Variants in EIF4ENIF1 observed in about 807,000 individuals in gnomAD.
The protein encoded by EIF4ENIF1 is eukaryotic translation initiation factor 4E transporter.
EIF4ENIF1 carries 23 observed loss-of-function variants against 110.5 expected under a neutral mutation model. That is an observed-to-expected ratio of 0.21 (90% CI 0.15 to 0.29). The LOEUF (loss-of-function observed/expected upper bound fraction) is 0.29. Among genes scored for constraint, EIF4ENIF1 ranks in the 10% least tolerant of loss-of-function variants. The probability of loss-of-function intolerance (pLI) is 1.00; values close to 1 mark genes in which losing one functional copy is unlikely to be tolerated. For missense variants in EIF4ENIF1, 1,031 were observed against 1,221.1 expected (o/e 0.84, Z 2.32); for synonymous variants, 440 against 437.0 (o/e 1.01, Z -0.09).
At chr22:31,484,882 C>A (rs530173590) in intron 2 of EIF4ENIF1, among the ~76,000 whole-genome samples, 1 of 152,296 alleles carries the variant, frequency 6.6e-6, no homozygotes, top group South Asian at 2.1e-4. Flanking sequence ...GATCTTCTAG[C>A]CCGTGAACTT....
chr22:31,450,893 AC>A (rs1195573296), intron 10 of EIF4ENIF1: 2 of 154,750 alleles, frequency 1.3e-5, no homozygotes, highest in Admixed American at 6.5e-5. Flanking sequence ...ACACACACAC[AC>A]AAAAGAGACA....
chr22:31,479,161 C>T (rs959794564), intron 2 of EIF4ENIF1, among the ~76,000 whole-genome samples: 3 of 151,404 alleles, frequency 2.0e-5, no homozygotes, highest in African/African-American at 4.9e-5. Flanking sequence ...CTGCCTCCAG[C>T]GTTCAAGCAA....
chr22:31,459,142 G>A (rs1419902742), intron 6 of EIF4ENIF1, among the ~76,000 whole-genome samples: 1 of 151,916 alleles, frequency 6.6e-6, no homozygotes, highest in African/African-American at 2.4e-5. Flanking sequence ...TGCACAGCCT[G>A]GACTTAAACT....
intron 15 of EIF4ENIF1, among the ~76,000 whole-genome samples, chr22:31,444,261 G>C (rs908028096): frequency 6.6e-6 from 1 of 152,062 alleles, no homozygotes; most frequent in African/African-American, 2.4e-5. Context: ...CCCACTGTCT[G>C]ACCCAGTCAC....
rs978859901 is a variant in EIF4ENIF1 at position 31,477,012 on chromosome 22, T to C, written c.97-5095A>G. Among the ~76,000 whole-genome samples, 3 of 144,062 alleles carry C rather than the reference T, an allele frequency of 2.1e-5. No individual in the cohort carries two copies. The East Asian group carries it at 6.1e-4, about 29-fold the overall frequency. 94.5% of individuals were successfully genotyped at this position (144,062 alleles called of 152,430 possible). On this transcript the variant is annotated intron_variant, in intron 2 of 18. Coordinates refer to ENST00000330125, the MANE Select transcript of EIF4ENIF1 (RefSeq NM_019843.4). ...AAAAAAAAAAAAAGGCAGGGCATGG[T>C]GGCATGCCTATTGTCCAGGCGACTT...
At chr22:31,485,836 C>A (rs998034042) in intron 2 of EIF4ENIF1, among the ~76,000 whole-genome samples, 17 of 143,802 alleles carry the variant, frequency 1.2e-4, no homozygotes, top group Non-Finnish European at 2.3e-4. Context: ...CTGGAAGGGG[C>A]CAGGCTCGGT....
At chr22:31,466,482 T>C (rs1472597356) in intron 4 of EIF4ENIF1, among the ~76,000 whole-genome samples, 1 of 150,774 alleles carries the variant, frequency 6.6e-6, no homozygotes, top group Non-Finnish European at 1.5e-5. Flanking sequence ...CTCAGGAAGC[T>C]GAGGCAAGAC....
intron 4 of EIF4ENIF1, chr22:31,464,237 T>C: frequency 2.8e-6 from 1 of 363,018 alleles, no homozygotes; most frequent in Non-Finnish European, 4.9e-6. Flanking sequence ...TTTGACCAAA[T>C]CCTTATCTAA....
At chr22:31,470,632 T>C (rs1389703422) in intron 3 of EIF4ENIF1, among the ~76,000 whole-genome samples, 1 of 151,996 alleles carries the variant, frequency 6.6e-6, no homozygotes, top group Non-Finnish European at 1.5e-5. Context: ...AGCCTACATT[T>C]TTTTTAACAT....
chr22:31,490,349 T>TCCCAGTGCGGGTTCGAACCTC (rs1390579899), upstream of EIF4ENIF1, among the ~76,000 whole-genome samples: 1 of 152,234 alleles, frequency 6.6e-6, no homozygotes, highest in Non-Finnish European at 1.5e-5. Flanking sequence ...TTCCGAGCCT[T>TCCCAGTGCGGGTTCGAACCTC]CCCAGTGCGG....
intron 17 of EIF4ENIF1, 43 bp downstream of exon 17, chr22:31,441,731 A>G: frequency 6.6e-7 from 1 of 1,511,942 alleles, no homozygotes; most frequent in Non-Finnish European, 9.0e-7. Flanking sequence ...ATTGTCCCCT[A>G]GGCCCACAAA....
chr22:31,450,735 CACACACTCATATAT>C (rs1470268586), intron 10 of EIF4ENIF1: 1 of 284,248 alleles, frequency 3.5e-6, no homozygotes, highest in East Asian at 9.4e-5. Flanking sequence ...CACACACACA[CACACACTCATATAT>C]ACACACATAC....
At chr22:31,476,495 C>G (rs1028775281) in intron 2 of EIF4ENIF1, among the ~76,000 whole-genome samples, 1 of 151,946 alleles carries the variant, frequency 6.6e-6, no homozygotes, top group South Asian at 2.1e-4. Flanking sequence ...ACAGAAGTAA[C>G]AGTCTTAAAA....
At chr22:31,472,003 C>G in intron 2 of EIF4ENIF1, 86 bp from the exon 3 acceptor site, 2 of 1,009,514 alleles carry the variant, frequency 2.0e-6, no homozygotes, top group South Asian at 1.5e-5. Flanking sequence ...TTCTAAGTGT[C>G]CATCTTAAAC....
chr22:31,449,990 C>A (rs1356038482), intron 11 of EIF4ENIF1, among the ~76,000 whole-genome samples: 1 of 152,178 alleles, frequency 6.6e-6, no homozygotes, highest in Non-Finnish European at 1.5e-5. Context: ...CTCAGCCTCC[C>A]AAAGTGCTGA....
intron 4 of EIF4ENIF1, among the ~76,000 whole-genome samples, chr22:31,464,675 CAAAA>C (rs770904708): frequency 2.6e-3 from 79 of 30,898 alleles, no homozygotes; most frequent in Admixed American, 6.0e-3. Context: ...GATTCAGTCT[CAAAA>C]AAAAAAAAAA....
chr22:31,448,124 A>T, intron 13 of EIF4ENIF1, 29 bp downstream of exon 13: 1 of 1,611,946 alleles, frequency 6.2e-7, no homozygotes, highest in South Asian at 1.1e-5. Context: ...GGCAAGCAAG[A>T]GATTGAGTTT....
chr22:31,444,528 GCA>G (rs748658002), intron 15 of EIF4ENIF1, 76 bp downstream of exon 15: 101 of 1,365,786 alleles, frequency 7.4e-5, no homozygotes, highest in Non-Finnish European at 9.6e-5. Context: ...GACATTTAGG[GCA>G]CACAGTGGTA....
At chr22:31,468,793 T>A (rs940338509) in intron 3 of EIF4ENIF1, among the ~76,000 whole-genome samples, 1 of 152,228 alleles carries the variant, frequency 6.6e-6, no homozygotes, top group Non-Finnish European at 1.5e-5. Flanking sequence ...TAATGCTTTG[T>A]TGTTGATCAC....
Sources: allele counts gnomAD v4.1 joint callset (sites outside exome capture counted in the v4.1 genomes callset), GRCh38; gene constraint gnomAD v4.1.1; transcripts MANE v1.5; gene names NCBI Gene and HGNC (gene_info 2026-07-23, HGNC 2026-07-21).